Variants in TNFRSF1A observed in about 807,000 individuals in gnomAD.
TNFRSF1A encodes the protein tumor necrosis factor receptor superfamily member 1A.
TNFRSF1A carries 9 observed loss-of-function variants against 41.6 expected under a neutral mutation model. That is an observed-to-expected ratio of 0.22 (90% CI 0.13 to 0.38). The LOEUF is 0.38. Among genes scored for constraint, TNFRSF1A ranks in the 10% least tolerant of loss-of-function variants. The pLI, the probability that TNFRSF1A is intolerant of heterozygous loss-of-function variation, is 1.00. For synonymous variants in TNFRSF1A, 254 were observed against 248.6 expected, an observed-to-expected ratio of 1.02 and a Z score of -0.21; for missense variants, 463 against 591.5, an observed-to-expected ratio of 0.78 and a Z score of 2.25.
At chr12:6,338,757 A>G (rs1455105367) in intron 1 of TNFRSF1A, among the ~76,000 whole-genome samples, 1 of 151,924 alleles carries the variant, frequency 6.6e-6, no homozygotes, top group African/African-American at 2.4e-5. Flanking sequence ...AGTCTCCCGA[A>G]TAGCTGGGAT....
intron 1 of TNFRSF1A, among the ~76,000 whole-genome samples, chr12:6,338,931 A>T (rs1415848418): frequency 6.6e-6 from 1 of 152,138 alleles, no homozygotes; most frequent in Non-Finnish European, 1.5e-5. Flanking sequence ...CACCCATCTG[A>T]GATGCCTCAC....
intron 5 of TNFRSF1A, chr12:6,332,092 TG>T (rs1403830958): frequency 8.0e-6 from 2 of 250,618 alleles, no homozygotes; most frequent in Non-Finnish European, 1.6e-5. Flanking sequence ...TCTTTGTTTT[TG>T]GTTCTCACAA....
chr12:6,338,272 G>A lies in TNFRSF1A; in HGVS notation c.39+3504C>T, dbSNP rs556090527. ...CGGACGAATGCTGAGAACTTGCCAC[G>A]CTCTCTCCCCAGGGCCCCATCCCTA... On this transcript the variant is annotated intron_variant, in intron 1 of 9. Transcript: ENST00000162749. Among the ~76,000 whole-genome samples the A allele has an allele frequency of 9.1e-4, 139 of 152,002 alleles. 2 individuals carry two copies. The highest frequency in any genetic ancestry group is 2.6e-3 in the Admixed American group (40 of 15,270).
In TNFRSF1A at chr12:6,337,983, G is replaced by T. The variant is rs1172949227; in HGVS notation, c.40-3739C>A. Among the ~76,000 whole-genome samples, 1 of 152,108 alleles carries T rather than the reference G, an allele frequency of 6.6e-6. No homozygotes were observed. The highest frequency in any genetic ancestry group is 1.5e-5 in the Non-Finnish European group (1 of 68,024). The stretch of plus-strand genomic sequence containing the variant: ...TAGGAATATATTTATCTCCGGGGGA[G>T]AGTTTTCAGACCATCCCCCCACCTC... On this transcript the variant is annotated intron_variant, in intron 1 of 9. Transcript: ENST00000162749. This position sits in a 1 kb window ranked among gnomAD's most constrained non-coding sequence, Gnocchi z 4.6.
chr12:6,332,872 C>G (rs1156510391), intron 5 of TNFRSF1A, among the ~76,000 whole-genome samples, 197 bp downstream of exon 5: 1 of 152,194 alleles, frequency 6.6e-6, no homozygotes, highest in African/African-American at 2.4e-5. Context: ...GATCTTCCAT[C>G]CTCAAAGACT....
In TNFRSF1A at chr12:6,341,955, T is replaced by C; in HGVS notation, c.-141A>G. On this transcript the variant is annotated 5_prime_UTR_variant, in exon 1 of 10. An upstream start codon of the reference 5' UTR is lost. Transcript: ENST00000162749. The surrounding 1 kb of genome is among the most constrained non-coding windows in gnomAD (Gnocchi z 4.6). Reference sequence around the variant, plus strand: ...ACAGTTGAGGGTTGAGACTCGGGCATAGAGATCACGGCCTGGTCCCAGTGA... The same window carrying C: ...ACAGTTGAGGGTTGAGACTCGGGCACAGAGATCACGGCCTGGTCCCAGTGA... 1.2e-6 allele frequency: 1 copy of C among 824,842 alleles called. No individual in the cohort carries two copies. 51.1% of individuals were successfully genotyped at this position (824,842 alleles called of 1,614,324 possible). A position where few individuals can be genotyped will look rare whatever the true frequency, so the allele number is the denominator to read the frequency against.
chr12:6,342,065 G>C lies in TNFRSF1A; in HGVS notation c.-251C>G. ...GCAGAGAGGAGGGGAGAGAAGGTGG[G>C]AGGGGAAGAGTGAGGCAGTGTTGCA... On this transcript the variant is annotated 5_prime_UTR_variant, in exon 1 of 10. Coordinates refer to ENST00000162749, the MANE Select transcript of TNFRSF1A (RefSeq NM_001065.4). 1.0e-5 allele frequency: 6 copies of C among 579,684 alleles called. No homozygotes were observed. 35.9% of individuals were successfully genotyped at this position (579,684 alleles called of 1,614,324 possible).
At chr12:6,330,755 G>C (rs771436168) in intron 6 of TNFRSF1A, 44 bp from the exon 7 acceptor site, 1 of 1,585,298 alleles carries the variant, frequency 6.3e-7, no homozygotes, top group Admixed American at 1.7e-5. Context: ...GGCAGAGGGG[G>C]GCCGCAGGGA....
chr12:6,330,937 A>G lies in TNFRSF1A; in HGVS notation c.552-11T>C. Reference sequence around the variant, plus strand: ...AGGCTTTTCTTACAGCTAAAAGAAGAGACGGCACTGGTGAACAGAGGCCCT... The same window carrying G: ...AGGCTTTTCTTACAGCTAAAAGAAGGGACGGCACTGGTGAACAGAGGCCCT... On this transcript the variant is annotated splice_polypyrimidine_tract_variant and intron_variant, in intron 5 of 9. Transcript: ENST00000162749. The G allele has an allele frequency of 6.2e-7, 1 of 1,612,832 alleles. No homozygotes were observed. Among genetic ancestry groups the G allele is most frequent in the South Asian group, 1.1e-5 (1 of 90,956 alleles).
At position 6,334,323 on chromosome 12, in the gene TNFRSF1A, C is replaced by G. The variant is rs1314765687; in HGVS notation, c.40-79G>C. On this transcript the variant is annotated intron_variant, in intron 1 of 9. Transcript: ENST00000162749. This position sits in a 1 kb window ranked among gnomAD's most constrained non-coding sequence, Gnocchi z 5.1. ...CTTAGGGGTAGCAGATCTAAAACTTCCCTGGCTCAAGTCCTTCCTCAGTGA... is the reference window on the plus strand; with the variant it reads ...CTTAGGGGTAGCAGATCTAAAACTTGCCTGGCTCAAGTCCTTCCTCAGTGA... 1.5e-6 allele frequency: 2 copies of G among 1,345,640 alleles called. No individual in the cohort carries two copies. Among genetic ancestry groups the G allele is most frequent in the Non-Finnish European group, 1.0e-6 (1 of 959,126 alleles). The allele number at this position is 1,345,640 out of a possible 1,614,324, so 83.4% of individuals were successfully genotyped here.
Position 6,329,362 on chromosome 12 carries a change from C to T in TNFRSF1A, c.1318G>A (p.Ala440Thr). 2 of 1,495,728 alleles carry T rather than the reference C, an allele frequency of 1.3e-6. No individual in the cohort carries two copies. The highest frequency in any genetic ancestry group is 1.8e-6 in the Non-Finnish European group (2 of 1,132,076). 92.7% of individuals were successfully genotyped at this position (1,495,728 alleles called of 1,614,324 possible). Residue 440 changes from alanine to threonine, a missense_variant, in exon 10 of 10, where the codon GCG becomes ACG. Physicochemically the swap from Ala to Thr is moderately conservative, Grantham distance 58 (BLOSUM62 0). This residue lies in a region of TNFRSF1A where 277 missense variants were observed against 288.8 expected (regional missense o/e 0.96). Transcript: ENST00000162749. The stretch of plus-strand genomic sequence containing the variant: ...GGGAGGGCGGCGGGGCCGCAAAGCG[C>T]CTCCTCGATGTCCTCCAGGCAGCCC... ...LLGCLEDIEE[A>T]LCGPAALPPA...
In TNFRSF1A at chr12:6,329,637, G is replaced by A. The variant is rs761980884; in HGVS notation, c.1058-15C>T. On this transcript the variant is annotated splice_polypyrimidine_tract_variant and intron_variant, in intron 9 of 9. Coordinates refer to ENST00000162749, the MANE Select transcript of TNFRSF1A (RefSeq NM_001065.4). ...GGGGTCATCAGCTGCGGGGACGCGG[G>A]CCGGTGAGCCTCGGGCGGCAACCCC... The A allele has an allele frequency of 1.2e-5, 19 of 1,588,858 alleles. No individual in the cohort carries two copies. In the Admixed American group the frequency reaches 2.9e-4, roughly 24 times the overall value.
intron 1 of TNFRSF1A, among the ~76,000 whole-genome samples, chr12:6,340,985 G>C (rs549875035): frequency 6.6e-6 from 1 of 152,340 alleles, no homozygotes; most frequent in East Asian, 1.9e-4. Context: ...GAGAAGCAGC[G>C]GGGAGGGGAA....
chr12:6,338,976 C>A (rs986930878), intron 1 of TNFRSF1A, among the ~76,000 whole-genome samples: 1 of 152,178 alleles, frequency 6.6e-6, no homozygotes. Flanking sequence ...ACAGAATGTG[C>A]CCTAGGAGAA....
chr12:6,329,291 G>A lies in TNFRSF1A; in HGVS notation c.*21C>T. The A allele has an allele frequency of 6.9e-7, 1 of 1,455,602 alleles. No individual in the cohort carries two copies. The highest frequency in any genetic ancestry group is 9.0e-7 in the Non-Finnish European group (1 of 1,112,358). 90.2% of individuals were successfully genotyped at this position (1,455,602 alleles called of 1,614,324 possible). ...GCGATCTCGCAGGACGGTCCTTAGA[G>A]CTGCCCGCAGGGGCGCAGCCTCATC... On this transcript the variant is annotated 3_prime_UTR_variant, in exon 10 of 10. Coordinates refer to ENST00000162749, the MANE Select transcript of TNFRSF1A (RefSeq NM_001065.4).
intron 7 of TNFRSF1A, 63 bp from the exon 8 acceptor site, chr12:6,330,358 C>T: frequency 6.6e-7 from 1 of 1,522,130 alleles, no homozygotes; most frequent in Non-Finnish European, 9.1e-7. Context: ...GCACCCTGGA[C>T]TCAGCTGGCA....
Position 6,330,299 on chromosome 12 carries a change from A to T in TNFRSF1A, c.740-4T>A. The T allele has an allele frequency of 6.2e-7, 1 of 1,613,578 alleles. No homozygotes were observed. Among genetic ancestry groups the T allele is most frequent in the Non-Finnish European group, 8.5e-7 (1 of 1,179,504 alleles). ...TCAGGTGTCGATTTCCCACAAACTGAGGAAAAAGAAAGAAAGCATCATAAA... is the reference window on the plus strand; with the variant it reads ...TCAGGTGTCGATTTCCCACAAACTGTGGAAAAAGAAAGAAAGCATCATAAA... On this transcript the variant is annotated splice_region_variant and splice_polypyrimidine_tract_variant and intron_variant, in intron 7 of 9. Transcript: ENST00000162749.
chr12:6,332,933 T>G (rs917559447), intron 5 of TNFRSF1A, 136 bp downstream of exon 5: 93 of 739,664 alleles, frequency 1.3e-4, no homozygotes, highest in Non-Finnish European at 2.2e-4. Context: ...CTTAACGAAG[T>G]GTCTCCTACT....
At chr12:6,338,552 C>T (rs1022059170) in intron 1 of TNFRSF1A, among the ~76,000 whole-genome samples, 2 of 151,308 alleles carry the variant, frequency 1.3e-5, no homozygotes, top group African/African-American at 4.9e-5. Flanking sequence ...TGGAAATGAT[C>T]TGAAGACTTC....
Sources: allele counts gnomAD v4.1 joint callset (sites outside exome capture counted in the v4.1 genomes callset), GRCh38; gene constraint gnomAD v4.1.1; regional missense constraint gnomAD v4.1.1; non-coding constraint Gnocchi (gnomAD v3.1); transcripts MANE v1.5; gene names NCBI Gene and HGNC (gene_info 2026-07-23, HGNC 2026-07-21).